The following TMEM229B variants were observed in gnomAD, a reference collection of about 807,000 sequenced individuals.
TMEM229B encodes the protein transmembrane protein 229B.
Under a neutral mutation model 13.7 loss-of-function variants are expected in TMEM229B, and 6 were observed. That is an observed-to-expected ratio of 0.44 (90% confidence interval 0.24 to 0.86). The LOEUF (loss-of-function observed/expected upper bound fraction) is 0.86, where lower values mean the gene tolerates loss of function less well. TMEM229B is among the 40% of genes least tolerant of loss of function. TMEM229B has a pLI of 0.23. For synonymous variants in TMEM229B, 107 were observed against 102.1 expected, an observed-to-expected ratio of 1.05 and a Z score of -0.29; for missense variants, 170 against 236.0, an observed-to-expected ratio of 0.72 and a Z score of 1.83.
chr14:67,520,987 A>G (rs1438145403), intron 1 of TMEM229B, among the ~76,000 whole-genome samples: 1 of 152,182 alleles, frequency 6.6e-6, no homozygotes, highest in Non-Finnish European at 1.5e-5. Context: ...GTATTTCCAC[A>G]TTTGGGCCAT....
At chr14:67,489,086 T>C (rs937067090), upstream of TMEM229B, among the ~76,000 whole-genome samples, 14 of 152,262 alleles carry the variant, frequency 9.2e-5, no homozygotes, top group Non-Finnish European at 1.3e-4. Flanking sequence ...TCTTGGAACA[T>C]ATGAATGAAT....
At chr14:67,520,611 A>G (rs1019119850) in intron 1 of TMEM229B, among the ~76,000 whole-genome samples, 1 of 151,378 alleles carries the variant, frequency 6.6e-6, no homozygotes, top group Admixed American at 6.6e-5. Flanking sequence ...TTGCTTGCAA[A>G]TTATGGCAAT....
chr14:67,497,882 G>C (rs1222499347), intron 1 of TMEM229B, among the ~76,000 whole-genome samples: 2 of 151,942 alleles, frequency 1.3e-5, no homozygotes, highest in Non-Finnish European at 2.9e-5. Flanking sequence ...TCAAGCATCT[G>C]ACTGCATCCT....
intron 1 of TMEM229B, among the ~76,000 whole-genome samples, chr14:67,529,454 ATATTTGT>A (rs1223497422): frequency 1.3e-5 from 2 of 152,306 alleles, no homozygotes; most frequent in East Asian, 3.9e-4. Flanking sequence ...TATTCAATAG[ATATTTGT>A]TAGTGAGTAA....
chr14:67,496,879 C>T (rs554788969), intron 1 of TMEM229B, among the ~76,000 whole-genome samples: 5 of 151,960 alleles, frequency 3.3e-5, no homozygotes, highest in South Asian at 2.1e-4. Context: ...CTCACTGCAA[C>T]CTCTGCCTCC....
chr14:67,516,401 G>C (rs931087672), upstream of TMEM229B, among the ~76,000 whole-genome samples: 5 of 152,166 alleles, frequency 3.3e-5, no homozygotes, highest in Non-Finnish European at 7.3e-5. Flanking sequence ...GCTGGAGAGG[G>C]GGGGAAATGA....
At chr14:67,533,594 G>T (rs1411037516) in intron 1 of TMEM229B, 2 of 152,148 alleles carry the variant, frequency 1.3e-5, no homozygotes, top group Non-Finnish European at 2.9e-5. Context: ...CGCCCCAGGG[G>T]ACTCGCGCCG....
At chr14:67,494,675 C>T (rs2032297808) in intron 1 of TMEM229B, among the ~76,000 whole-genome samples, 1 of 152,204 alleles carries the variant, frequency 6.6e-6, no homozygotes, top group South Asian at 2.1e-4. Flanking sequence ...CTGTCCACAG[C>T]CGGTGATGGC....
chr14:67,499,790 G>T (rs2032530439), intron 1 of TMEM229B, among the ~76,000 whole-genome samples: 1 of 152,048 alleles, frequency 6.6e-6, no homozygotes, highest in Admixed American at 6.6e-5. Flanking sequence ...GTGGGGGAAA[G>T]GCAGCCTCAA....
chr14:67,525,693 G>T (rs1490073879), intron 1 of TMEM229B, among the ~76,000 whole-genome samples: 1 of 152,220 alleles, frequency 6.6e-6, no homozygotes, highest in Non-Finnish European at 1.5e-5. Flanking sequence ...TACTGCATAT[G>T]CAGTTTATTA....
At chr14:67,516,062 A>G (rs967563658), upstream of TMEM229B, among the ~76,000 whole-genome samples, 1 of 152,254 alleles carries the variant, frequency 6.6e-6, no homozygotes, top group African/African-American at 2.4e-5. Context: ...TATCATCTGG[A>G]AACTCTGGAA....
upstream of TMEM229B, among the ~76,000 whole-genome samples, chr14:67,489,123 T>C (rs1026561570): frequency 6.6e-6 from 1 of 152,166 alleles, no homozygotes; most frequent in African/African-American, 2.4e-5. Context: ...AACTAACATA[T>C]GGATGGAACT....
chr14:67,487,462 T>G (rs2031945923), intron 1 of TMEM229B, among the ~76,000 whole-genome samples: 1 of 152,198 alleles, frequency 6.6e-6, no homozygotes, highest in African/African-American at 2.4e-5. Context: ...GGGGATATAA[T>G]TTTAGAATCC....
At chr14:67,489,526 G>GAA (rs1431586166), upstream of TMEM229B, among the ~76,000 whole-genome samples, 15 of 152,180 alleles carry the variant, frequency 9.9e-5, no homozygotes, top group African/African-American at 3.4e-4. Flanking sequence ...TTCAAGCACT[G>GAA]TCATCTCTCC....
At chr14:67,523,047 G>T (rs189123643) in intron 1 of TMEM229B, among the ~76,000 whole-genome samples, 1 of 152,324 alleles carries the variant, frequency 6.6e-6, no homozygotes, top group East Asian at 1.9e-4. Context: ...AGCCCAGGCT[G>T]GGCGCGGTGG....
intron 1 of TMEM229B, among the ~76,000 whole-genome samples, chr14:67,494,573 C>G (rs765492579): frequency 4.6e-5 from 7 of 152,186 alleles, no homozygotes; most frequent in African/African-American, 1.7e-4. Context: ...GCCCCGCCCC[C>G]ACACACCATG....
At chr14:67,511,482 C>T (rs2033023771) in intron 1 of TMEM229B, among the ~76,000 whole-genome samples, 1 of 152,114 alleles carries the variant, frequency 6.6e-6, no homozygotes, top group Non-Finnish European at 1.5e-5. Flanking sequence ...TCTATAATAC[C>T]AGCCACACTG....
chr14:67,516,822 T>C (rs976390646), upstream of TMEM229B, among the ~76,000 whole-genome samples: 2 of 152,140 alleles, frequency 1.3e-5, no homozygotes, highest in Admixed American at 6.5e-5. Flanking sequence ...TGGGTTCTGA[T>C]TGGGGCAGAG....
At chr14:67,488,426 C>CT (rs994848533) in intron 1 of TMEM229B, 82 bp downstream of exon 1, 3 of 152,514 alleles carry the variant, frequency 2.0e-5, no homozygotes, top group African/African-American at 7.2e-5. Context: ...TCACAGTGGG[C>CT]TGCTGTGCTC....
Sources: allele counts gnomAD v4.1 joint callset (sites outside exome capture counted in the v4.1 genomes callset), GRCh38; gene constraint gnomAD v4.1.1; transcripts MANE v1.5; gene names NCBI Gene and HGNC (gene_info 2026-07-23, HGNC 2026-07-21).